CLIC5: variants seen among roughly 807,000 people sequenced by gnomAD.
The protein encoded by CLIC5 is chloride intracellular channel protein 5.
In CLIC5, 20 loss-of-function variants were observed where a neutral mutation model predicts 24.7. That is an observed-to-expected ratio of 0.81 (90% CI 0.57 to 1.18). CLIC5 has a LOEUF of 1.18. Ranked by LOEUF, CLIC5 falls within the 50% of genes most tolerant of loss-of-function variation. The pLI is 0.00. For synonymous variants in CLIC5, 159 were observed against 135.6 expected, an observed-to-expected ratio of 1.17 and a Z score of -1.20; for missense variants, 341 against 326.1, an observed-to-expected ratio of 1.05 and a Z score of -0.35.
upstream of CLIC5, among the ~76,000 whole-genome samples, chr6:46,017,393 T>C (rs1174058312): frequency 6.6e-6 from 1 of 152,242 alleles, no homozygotes; most frequent in Non-Finnish European, 1.5e-5. Flanking sequence ...ACTTGTATAA[T>C]ATTTACAAAT....
At chr6:46,042,586 G>T (rs897446129) in intron 1 of CLIC5, among the ~76,000 whole-genome samples, 2 of 152,018 alleles carry the variant, frequency 1.3e-5, no homozygotes, top group Admixed American at 6.6e-5. Context: ...AACCCTAGAG[G>T]GTGCTGTTTT....
chr6:45,985,850 G>A (rs190700030), intron 1 of CLIC5, among the ~76,000 whole-genome samples: 9 of 152,152 alleles, frequency 5.9e-5, no homozygotes, highest in African/African-American at 9.6e-5. Flanking sequence ...TGCCTGATGT[G>A]GTTTGGCTGT....
At chr6:46,121,811 A>G in the CLIC5 span, among the ~76,000 whole-genome samples, 14 of 152,318 alleles carry the variant, frequency 9.2e-5, no homozygotes, top group African/African-American at 3.1e-4. Flanking sequence ...CTTTAAACCA[A>G]CAAAGATCAA....
rs140283407 is a variant in CLIC5 at position 45,949,364 on chromosome 6, T to C, written c.191A>G (p.His64Arg). The C allele has an allele frequency of 1.2e-6, 2 of 1,613,714 alleles. No individual in the cohort carries two copies. The highest frequency in any genetic ancestry group is 2.2e-5 in the South Asian group (2 of 91,014). ...VDLKRKPADL[H>R]NLAPGTHPPF... is the part of the protein sequence containing the mutation. ...CGGGTGCGTGCCGGGGGCTAGGTTGTGCAGGTCAGCTGGCTTTCTGTAGAG... is the reference window on the plus strand; with the variant it reads ...CGGGTGCGTGCCGGGGGCTAGGTTGCGCAGGTCAGCTGGCTTTCTGTAGAG... Residue 64 changes from histidine to arginine, a missense_variant, in exon 3 of 6, where the codon CAC becomes CGC. Coordinates refer to ENST00000339561, the MANE Select transcript of CLIC5 (RefSeq NM_016929.5).
intron 1 of CLIC5, among the ~76,000 whole-genome samples, chr6:46,036,798 T>C (rs942554351): frequency 3.3e-5 from 5 of 152,248 alleles, no homozygotes; most frequent in Non-Finnish European, 7.3e-5. Context: ...TTCCATACTT[T>C]ATATGTTTTG....
chr6:45,947,402 TTCAAGAGGTGAAGGGACTGGC>T (rs1764324129), intron 3 of CLIC5, among the ~76,000 whole-genome samples: 1 of 151,536 alleles, frequency 6.6e-6, no homozygotes, highest in African/African-American at 2.4e-5. Flanking sequence ...AAGAGACTGG[TTCAAGAGGTGAAGGGACTGGC>T]TCAAGAGGTC....
At chr6:45,891,238 G>A (rs1762344557) in intron 6 of CLIC5, among the ~76,000 whole-genome samples, 1 of 151,882 alleles carries the variant, frequency 6.6e-6, no homozygotes, top group Non-Finnish European at 1.5e-5. Flanking sequence ...GACAAAAAAA[G>A]AAATTACCAA....
At chr6:46,016,435 G>C (rs988098152), upstream of CLIC5, among the ~76,000 whole-genome samples, 13 of 152,166 alleles carry the variant, frequency 8.5e-5, no homozygotes, top group African/African-American at 1.4e-4. Flanking sequence ...GCAGGGCAGG[G>C]GTGGCTCCTG....
chr6:45,914,115 A>G, intron 5 of CLIC5, 113 bp downstream of exon 5: 1 of 818,406 alleles, frequency 1.2e-6, no homozygotes, highest in Non-Finnish European at 1.7e-6. Context: ...ACCTGACTTC[A>G]GGGTCCAGGT....
At chr6:46,113,962 G>A in the CLIC5 span, among the ~76,000 whole-genome samples, 1 of 152,172 alleles carries the variant, frequency 6.6e-6, no homozygotes, top group African/African-American at 2.4e-5. Context: ...AAAGTGGGGG[G>A]AATCTTCAGT....
intron 1 of CLIC5, among the ~76,000 whole-genome samples, chr6:46,001,043 G>A (rs1338472): frequency 0.33 from 50,318 of 152,038 alleles, 8,528 homozygotes; most frequent in Middle Eastern, 0.45. Flanking sequence ...CTCCCACTCT[G>A]GAATGAAAGT....
chr6:46,052,689 C>G (rs563331316), intron 1 of CLIC5, among the ~76,000 whole-genome samples: 1 of 152,128 alleles, frequency 6.6e-6, no homozygotes, highest in Admixed American at 6.5e-5. Context: ...ACAACTTTGC[C>G]AGACAGCAGC....
chr6:46,119,740 C>T, the CLIC5 span, among the ~76,000 whole-genome samples: 1 of 152,236 alleles, frequency 6.6e-6, no homozygotes, highest in Admixed American at 6.5e-5. Flanking sequence ...CACCCTAATA[C>T]TGCACTTTTC....
intron 1 of CLIC5, among the ~76,000 whole-genome samples, chr6:45,981,604 G>A (rs1399810010): frequency 6.6e-6 from 1 of 152,178 alleles, no homozygotes; most frequent in Non-Finnish European, 1.5e-5. Context: ...CCTCTGTGGG[G>A]GCCAGGCCTA....
intron 1 of CLIC5, among the ~76,000 whole-genome samples, chr6:46,005,670 G>A (rs1192470742): frequency 6.6e-6 from 1 of 152,096 alleles, no homozygotes; most frequent in East Asian, 1.9e-4. Context: ...TCTCTGAGGT[G>A]TTGGCATTAG....
the CLIC5 span, among the ~76,000 whole-genome samples, chr6:46,110,874 T>C: frequency 5.3e-5 from 8 of 152,214 alleles, no homozygotes; most frequent in Non-Finnish European, 1.2e-4. Flanking sequence ...CTGTGTTTGC[T>C]GCATTTTATG....
rs143360570 is a variant in CLIC5 at position 46,036,372 on chromosome 6, G to A, written c.540+43331C>T. ...CCGCCCAGGCTGGAGTGCAGTTGGC[G>A]CGGTCTCGGTTCACTGCAAGCTCTG... On this transcript the variant is annotated intron_variant, in intron 1 of 5. Coordinates refer to the CLIC5 transcript ENST00000185206. Among the ~76,000 whole-genome samples the A allele has an allele frequency of 3.3e-3, 458 of 138,724 alleles. 2 individuals carry two copies. The highest frequency in any genetic ancestry group is 5.2e-3 in the Non-Finnish European group (343 of 65,946). 91.0% of individuals were successfully genotyped at this position (138,724 alleles called of 152,430 possible).
the CLIC5 span, among the ~76,000 whole-genome samples, chr6:46,113,376 G>C: frequency 1.3e-4 from 20 of 152,148 alleles, no homozygotes; most frequent in Non-Finnish European, 2.8e-4. Context: ...GGGAAGAAGG[G>C]GGGTGGCCTG....
intron 1 of CLIC5, among the ~76,000 whole-genome samples, chr6:46,011,689 G>A (rs983679369): frequency 6.6e-6 from 1 of 152,138 alleles, no homozygotes; most frequent in African/African-American, 2.4e-5. Flanking sequence ...CAAATGGGTG[G>A]AATGCCTTGA....
Sources: gnomAD v4.1 joint callset for allele counts (sites outside exome capture counted in the v4.1 genomes callset) on GRCh38, gnomAD v4.1.1 for gene constraint, MANE v1.5 for transcripts, NCBI Gene and HGNC (gene_info 2026-07-23, HGNC 2026-07-21) for gene names.